AKAP13: variants seen among roughly 807,000 people sequenced by gnomAD.
The protein encoded by AKAP13 is A-kinase anchoring protein 13.
In AKAP13, 80 loss-of-function variants were observed where a neutral mutation model predicts 264.5. The observed-to-expected ratio is 0.30, with a 90% CI of 0.25 to 0.36. The LOEUF (loss-of-function observed/expected upper bound fraction) is 0.36. Ranked by LOEUF, AKAP13 falls within the 10% of genes least tolerant of loss-of-function variation. The pLI is 1.00. For synonymous variants in AKAP13, 1,380 were observed against 1,250.2 expected (o/e 1.10, Z -2.19); for missense variants, 3,712 against 3,435.2 (o/e 1.08, Z -2.01).
At chr15:85,732,482 A>G (rs1158322267) in intron 30 of AKAP13, among the ~76,000 whole-genome samples, 1 of 149,820 alleles carries the variant, frequency 6.7e-6, no homozygotes, top group Non-Finnish European at 1.5e-5. Context: ...TATGTTTTAC[A>G]TCATATATAA....
At chr15:85,715,564 C>T (rs1253568767) in intron 19 of AKAP13, among the ~76,000 whole-genome samples, 4 of 151,332 alleles carry the variant, frequency 2.6e-5, no homozygotes, top group Non-Finnish European at 4.4e-5. Flanking sequence ...CACTGTAAAG[C>T]GCCTTACTTC....
intron 1 of AKAP13, among the ~76,000 whole-genome samples, chr15:85,424,907 G>A (rs376219720): frequency 2.0e-4 from 30 of 152,328 alleles, no homozygotes; most frequent in Middle Eastern, 6.8e-3. Context: ...AGATGGGGTA[G>A]CAGCAAGTTG....
chr15:85,727,035 A>T lies in AKAP13; in HGVS notation c.6823-31A>T. ...TTCAGAGTTAGAATATTGTATATGT[A>T]TCTTTTATTTGCCCTCTTCCCTTTT... On this transcript the variant is annotated intron_variant, in intron 27 of 36. Coordinates refer to ENST00000394518, the MANE Select transcript of AKAP13 (RefSeq NM_007200.5). This position sits in a 1 kb window ranked among gnomAD's most constrained non-coding sequence, Gnocchi z 5.3. 2.5e-6 allele frequency: 4 copies of T among 1,612,370 alleles called. No individual in the cohort carries two copies. Among genetic ancestry groups the T allele is most frequent in the Non-Finnish European group, 3.4e-6 (4 of 1,178,546 alleles).
At chr15:85,391,573 C>G (rs546745970) in intron 1 of AKAP13, among the ~76,000 whole-genome samples, 1 of 151,286 alleles carries the variant, frequency 6.6e-6, no homozygotes, top group South Asian at 2.1e-4. Context: ...CAACCTCTCC[C>G]TTCTGGGCTC....
Position 85,743,482 on chromosome 15 carries a change from A to G in AKAP13, c.8059-10A>G. 2.5e-6 allele frequency: 4 copies of G among 1,609,398 alleles called. No homozygotes were observed. Among genetic ancestry groups the G allele is most frequent in the South Asian group, 1.1e-5 (1 of 90,906 alleles). The stretch of plus-strand genomic sequence containing the variant: ...CTCCAAGTGAAAACCCTTCTCTTGA[A>G]TATGTACAGGTTTCCCATCCACATA... On this transcript the variant is annotated splice_polypyrimidine_tract_variant and intron_variant, in intron 35 of 36. Transcript: ENST00000394518.
intron 1 of AKAP13, among the ~76,000 whole-genome samples, chr15:85,434,240 C>G (rs558860288): frequency 5.3e-4 from 81 of 152,244 alleles, no homozygotes; most frequent in Admixed American, 5.3e-3. Context: ...GTCACTCCCA[C>G]CCGAATATTG....
chr15:85,698,957 A>AG (rs1240084011), intron 17 of AKAP13, among the ~76,000 whole-genome samples: 1 of 151,504 alleles, frequency 6.6e-6, no homozygotes, highest in Non-Finnish European at 1.5e-5. Context: ...AAAAAAAAAA[A>AG]AAAAAAAAAA....
intron 19 of AKAP13, among the ~76,000 whole-genome samples, chr15:85,714,164 C>A (rs1017311764): frequency 2.0e-4 from 30 of 152,126 alleles, no homozygotes; most frequent in African/African-American, 7.2e-4. Flanking sequence ...TGTATTCTTA[C>A]AATAAATTAA....
intron 8 of AKAP13, among the ~76,000 whole-genome samples, chr15:85,622,805 GT>G (rs1397583460): frequency 7.2e-5 from 11 of 152,172 alleles, no homozygotes; most frequent in Admixed American, 2.0e-4. Flanking sequence ...CAAAGTCCAT[GT>G]TTTTCCTGCT....
chr15:85,422,710 T>C (rs997295234), intron 1 of AKAP13, among the ~76,000 whole-genome samples: 2 of 152,254 alleles, frequency 1.3e-5, no homozygotes, highest in African/African-American at 4.8e-5. Flanking sequence ...TAGGAGTTGC[T>C]GTTAGTGTAC....
chr15:85,646,060 T>A, intron 10 of AKAP13, 106 bp downstream of exon 10: 3 of 1,394,856 alleles, frequency 2.2e-6, no homozygotes, highest in Non-Finnish European at 2.9e-6. Context: ...CTCTCCTGTT[T>A]CCCTAAATAT....
In AKAP13 at chr15:85,443,621, G is replaced by A. The variant is rs889532232; in HGVS notation, c.-11-42089G>A. On this transcript the variant is annotated intron_variant, in intron 1 of 36. Transcript: ENST00000394518. ...GTATCTATATCTAAACATAGAAAAG[G>A]TACAGTATAAATACAGCATTATAAT... 3.3e-5 allele frequency among the ~76,000 whole-genome samples: 5 copies of A among 152,218 alleles called. No homozygotes were observed. The South Asian group carries it at 1.0e-3, about 32-fold the overall frequency.
chr15:85,669,917 A>G (rs1273936058), intron 14 of AKAP13, 87 bp downstream of exon 14: 8 of 946,180 alleles, frequency 8.5e-6, no homozygotes, highest in Non-Finnish European at 1.2e-5. Context: ...GCCCCATAAC[A>G]TTACCTGCCA....
chr15:85,593,042 A>T (rs1226604335), intron 8 of AKAP13, among the ~76,000 whole-genome samples: 2 of 143,098 alleles, frequency 1.4e-5, no homozygotes, highest in African/African-American at 2.5e-5. Flanking sequence ...AGAATAATTT[A>T]AAAAATACTG....
intron 1 of AKAP13, among the ~76,000 whole-genome samples, chr15:85,403,295 T>C (rs1027609435): frequency 1.3e-5 from 2 of 152,248 alleles, no homozygotes; most frequent in African/African-American, 4.8e-5. Context: ...CTAACTTTGA[T>C]GCCCTAAGAA....
chr15:85,567,182 A>T (rs532517158), intron 5 of AKAP13, among the ~76,000 whole-genome samples: 131 of 150,924 alleles, frequency 8.7e-4, no homozygotes, highest in Non-Finnish European at 1.5e-3. Flanking sequence ...ATCTCGGCTC[A>T]CTGCAACCTC....
rs925266417 is a variant in AKAP13 at position 85,724,357 on chromosome 15, G to A, written c.6745+1037G>A. ...CCTGCTCTACAGTGTGGTGAGTGCTGGAATGGAGGAGAAAGCAAGAGGAAT... is the reference window on the plus strand; with the variant it reads ...CCTGCTCTACAGTGTGGTGAGTGCTAGAATGGAGGAGAAAGCAAGAGGAAT... On this transcript the variant is annotated intron_variant, in intron 26 of 36. Transcript: ENST00000394518. The surrounding 1 kb of genome is among the most constrained non-coding windows in gnomAD (Gnocchi z 4.2). Among the ~76,000 whole-genome samples the A allele has an allele frequency of 6.6e-6, 1 of 152,110 alleles. No individual in the cohort carries two copies. Among genetic ancestry groups the A allele is most frequent in the Non-Finnish European group, 1.5e-5 (1 of 68,034 alleles).
rs140913093 is a variant in AKAP13, at chr15:85,428,817, T to G, written c.-12+48019T>G. 6.3e-4 allele frequency among the ~76,000 whole-genome samples: 96 copies of G among 152,334 alleles called. No individual in the cohort carries two copies. In the East Asian group the frequency reaches 9.4e-3, roughly 15 times the overall value. ...CACACAGTTAAAAATGGTATTGGAA[T>G]GACCATCCACTACTTTTCTACCAGA... On this transcript the variant is annotated intron_variant, in intron 1 of 36. Transcript: ENST00000394518.
At chr15:85,435,969 T>A (rs1205870713) in intron 1 of AKAP13, among the ~76,000 whole-genome samples, 6 of 144,080 alleles carry the variant, frequency 4.2e-5, no homozygotes, top group South Asian at 2.3e-4. Flanking sequence ...CATAACAATA[T>A]TAACTTTAAA....
Sources: gnomAD v4.1 joint callset for allele counts (sites outside exome capture counted in the v4.1 genomes callset) on GRCh38, gnomAD v4.1.1 for gene constraint, Gnocchi (gnomAD v3.1) non-coding constraint, MANE v1.5 for transcripts, NCBI Gene and HGNC (gene_info 2026-07-23, HGNC 2026-07-21) for gene names.